MAP2: variants seen among roughly 807,000 people sequenced by gnomAD.
MAP2 encodes the protein microtubule-associated protein 2.
Under a neutral mutation model 137.6 loss-of-function variants are expected in MAP2, and 14 were observed. The ratio of observed to expected loss-of-function variants is 0.10; its 90% CI spans 0.07 to 0.16. The LOEUF (loss-of-function observed/expected upper bound fraction) is 0.16, where lower values mean the gene tolerates loss of function less well. MAP2 is among the 10% of genes least tolerant of loss of function. The probability of loss-of-function intolerance (pLI) is 1.00; values close to 1 mark genes in which losing one functional copy is unlikely to be tolerated. For synonymous variants in MAP2, 786 were observed against 782.3 expected, an observed-to-expected ratio of 1.00 and a Z score of -0.08; for missense variants, 2,088 against 2,191.5, an observed-to-expected ratio of 0.95 and a Z score of 0.94.
chr2:209,493,907 A>G (rs903860174), intron 1 of MAP2, among the ~76,000 whole-genome samples: 3 of 152,216 alleles, frequency 2.0e-5, no homozygotes, highest in African/African-American at 7.2e-5. Flanking sequence ...CAGGAATACC[A>G]TTTGGCCCAG....
chr2:209,723,011 C>G (rs908015442), intron 13 of MAP2, among the ~76,000 whole-genome samples: 1 of 152,194 alleles, frequency 6.6e-6, no homozygotes, highest in African/African-American at 2.4e-5. Context: ...AATTGTGAAA[C>G]CCAAAGTTTC....
chr2:209,725,486 A>G (rs2073565606), intron 13 of MAP2, among the ~76,000 whole-genome samples: 1 of 152,134 alleles, frequency 6.6e-6, no homozygotes, highest in Non-Finnish European at 1.5e-5. Flanking sequence ...AAAATCTTCT[A>G]TTCTAGGGTT....
intron 4 of MAP2, among the ~76,000 whole-genome samples, chr2:209,634,410 T>C (rs1263081876): frequency 6.6e-6 from 1 of 152,178 alleles, no homozygotes; most frequent in Non-Finnish European, 1.5e-5. Context: ...TTGTTTGTCC[T>C]CTTCGTAGTC....
At chr2:209,673,282 G>A (rs3768822) in intron 5 of MAP2, among the ~76,000 whole-genome samples, 28,507 of 151,488 alleles carry the variant, frequency 0.19, 3,830 homozygotes, top group African/African-American at 0.38. Flanking sequence ...TGTCACTCAT[G>A]CATAGCCATG....
intron 2 of MAP2, among the ~76,000 whole-genome samples, chr2:209,528,848 G>GTGTGTGTGTATA (rs746401392): frequency 2.8e-5 from 4 of 141,028 alleles, no homozygotes; most frequent in Non-Finnish European, 4.6e-5. Flanking sequence ...GTATATATAT[G>GTGTGTGTGTATA]TGTGTGTGTA....
intron 2 of MAP2, among the ~76,000 whole-genome samples, chr2:209,540,586 G>A (rs1312428676): frequency 3.4e-5 from 4 of 116,502 alleles, no homozygotes; most frequent in Admixed American, 1.1e-4. Flanking sequence ...AGCTGAGATC[G>A]CGCCATTGCA....
intron 5 of MAP2, among the ~76,000 whole-genome samples, chr2:209,668,560 A>G (rs563322532): frequency 1.8e-4 from 27 of 152,160 alleles, no homozygotes; most frequent in African/African-American, 6.5e-4. Flanking sequence ...TATTTTTGAC[A>G]TGAAGAAATT....
chr2:209,570,356 T>C (rs1326826807), intron 2 of MAP2, among the ~76,000 whole-genome samples: 3 of 151,850 alleles, frequency 2.0e-5, no homozygotes, highest in Non-Finnish European at 4.4e-5. Flanking sequence ...AGGGATTGAA[T>C]TTCTGCTCTA....
At chr2:209,638,611 G>A (rs2153570132) in intron 4 of MAP2, among the ~76,000 whole-genome samples, 1 of 152,256 alleles carries the variant, frequency 6.6e-6, no homozygotes, top group Non-Finnish European at 1.5e-5. Flanking sequence ...CTCCACAGAT[G>A]TAGTAGGTTA....
rs537532123 is a variant in MAP2 at position 209,526,436 on chromosome 2, A to G, written c.-172+18795A>G. Reference sequence around the variant, plus strand: ...TCCACATGTGAGTACATAGAGAGAAATACAGAAGGGGGAGGCTGAGAGACC... The same window carrying G: ...TCCACATGTGAGTACATAGAGAGAAGTACAGAAGGGGGAGGCTGAGAGACC... On this transcript the variant is annotated intron_variant, in intron 2 of 15. Coordinates refer to ENST00000682079, the MANE Select transcript of MAP2 (RefSeq NM_001375505.1). Among the ~76,000 whole-genome samples the G allele has an allele frequency of 2.6e-5, 4 of 151,946 alleles. No homozygotes were observed. In the East Asian group the frequency reaches 7.8e-4, roughly 29 times the overall value.
At chr2:209,684,309 C>T (rs1390798404) in intron 7 of MAP2, among the ~76,000 whole-genome samples, 1 of 152,150 alleles carries the variant, frequency 6.6e-6, no homozygotes, top group African/African-American at 2.4e-5. Context: ...CTAATCATCG[C>T]GCATCTGAAA....
chr2:209,723,444 C>CAGTT, intron 13 of MAP2: 1 of 620,030 alleles, frequency 1.6e-6, no homozygotes, highest in Non-Finnish European at 2.9e-6. Context: ...CATGATAGAA[C>CAGTT]AGTTCTTCAG....
intron 5 of MAP2, among the ~76,000 whole-genome samples, chr2:209,675,427 A>G (rs968919680): frequency 6.6e-6 from 1 of 151,896 alleles, no homozygotes; most frequent in Admixed American, 6.6e-5. Flanking sequence ...AAACTAAATT[A>G]TCACTCACGA....
intron 2 of MAP2, among the ~76,000 whole-genome samples, chr2:209,546,084 G>A (rs1464628448): frequency 4.6e-5 from 7 of 152,142 alleles, no homozygotes; most frequent in South Asian, 4.1e-4. Flanking sequence ...CAGAGGTTGC[G>A]GTAAGCCGAG....
At chr2:209,709,194 G>C (rs931747288) in intron 12 of MAP2, among the ~76,000 whole-genome samples, 4 of 152,056 alleles carry the variant, frequency 2.6e-5, no homozygotes, top group Admixed American at 2.6e-4. Context: ...AAACAGAGGA[G>C]AAAACACAAT....
chr2:209,613,431 G>A (rs1045054041), intron 3 of MAP2, among the ~76,000 whole-genome samples: 1 of 152,138 alleles, frequency 6.6e-6, no homozygotes, highest in Non-Finnish European at 1.5e-5. Context: ...AGGATCTGTA[G>A]TCCTTCGTTA....
At chr2:209,595,101 T>C (rs2153445991) in intron 3 of MAP2, among the ~76,000 whole-genome samples, 1 of 152,204 alleles carries the variant, frequency 6.6e-6, no homozygotes, top group South Asian at 2.1e-4. Context: ...AATTGCACAT[T>C]GGTATATTTT....
intron 1 of MAP2, among the ~76,000 whole-genome samples, chr2:209,438,809 T>C (rs528051109): frequency 6.6e-6 from 1 of 151,492 alleles, no homozygotes; most frequent in South Asian, 2.1e-4. Context: ...GTGGTCAGAT[T>C]TGCTGTTACA....
chr2:209,652,122 G>A (rs1395780987), intron 4 of MAP2, among the ~76,000 whole-genome samples: 1 of 152,172 alleles, frequency 6.6e-6, no homozygotes, highest in East Asian at 1.9e-4. Context: ...CCAAAACTGA[G>A]TGGTGAATCA....
Sources: allele counts gnomAD v4.1 joint callset (sites outside exome capture counted in the v4.1 genomes callset), GRCh38; gene constraint gnomAD v4.1.1; transcripts MANE v1.5; gene names NCBI Gene and HGNC (gene_info 2026-07-23, HGNC 2026-07-21).